Variants in GRID1 observed in about 807,000 individuals in gnomAD.
GRID1 encodes glutamate ionotropic receptor delta type subunit 1, also known as glutamate receptor ionotropic, delta-1.
A neutral mutation model predicts 98.0 loss-of-function variants in GRID1; 28 were observed. The observed-to-expected ratio is 0.29, with a 90% CI of 0.21 to 0.39. The LOEUF is 0.39. Among genes scored for constraint, GRID1 ranks in the 10% least tolerant of loss-of-function variants. The pLI is 1.00. For missense variants in GRID1, 1,111 were observed against 1,340.5 expected (o/e 0.83, Z 2.67); for synonymous variants, 553 against 538.5 (o/e 1.03, Z -0.37).
In GRID1 at chr10:85,847,632, G is replaced by C. The variant is rs74876486; in HGVS notation, c.1233+6864C>G. Among the ~76,000 whole-genome samples the C allele has an allele frequency of 5.7e-3, 861 of 151,964 alleles. 8 individuals are homozygous for C. Among genetic ancestry groups the C allele is most frequent in the African/African-American group, 0.02 (809 of 41,456 alleles). On this transcript the variant is annotated intron_variant, in intron 8 of 15. Coordinates refer to ENST00000327946, the MANE Select transcript of GRID1 (RefSeq NM_017551.3). The stretch of plus-strand genomic sequence containing the variant: ...TCTGCTGTATAAATGGTAGTAGAAA[G>C]CATTTAGTGGAAAAATGTAAAAGCT...
chr10:85,902,744 T>A (rs1841406387), intron 5 of GRID1, among the ~76,000 whole-genome samples: 1 of 152,188 alleles, frequency 6.6e-6, no homozygotes, highest in Non-Finnish European at 1.5e-5. Context: ...ATCTGTAGGA[T>A]GGTATAATAG....
intron 2 of GRID1, among the ~76,000 whole-genome samples, chr10:86,340,387 TG>T (rs1848293843): frequency 6.6e-6 from 1 of 152,192 alleles, no homozygotes; most frequent in African/African-American, 2.4e-5. Flanking sequence ...GCAGAAAACG[TG>T]CACCACGGAT....
At chr10:85,902,570 G>A (rs544796463) in intron 5 of GRID1, among the ~76,000 whole-genome samples, 65 of 152,262 alleles carry the variant, frequency 4.3e-4, no homozygotes, top group Non-Finnish European at 7.9e-4. Flanking sequence ...AGATATTGCT[G>A]GGATTCCATA....
rs890239339 is a variant in GRID1 at position 85,923,602 on chromosome 10, G to C, written c.727-7363C>G. The stretch of plus-strand genomic sequence containing the variant: ...TCCTCACAATGGCCTACTGAAAGAG[G>C]CTACTGAGCTGCAGCCTACAAATGG... On this transcript the variant is annotated intron_variant, in intron 4 of 15. Coordinates refer to ENST00000327946, the MANE Select transcript of GRID1 (RefSeq NM_017551.3). Among the ~76,000 whole-genome samples the C allele has an allele frequency of 3.9e-5, 6 of 152,096 alleles. No individual in the cohort carries two copies. In the South Asian group the frequency reaches 1.2e-3, roughly 32 times the overall value.
chr10:85,654,568 T>C (rs1219524221), intron 12 of GRID1, among the ~76,000 whole-genome samples: 1 of 152,192 alleles, frequency 6.6e-6, no homozygotes, highest in African/African-American at 2.4e-5. Context: ...CCCTTCCTCC[T>C]GGGTTAGCCT....
At chr10:86,249,409 C>T (rs1377566988) in intron 2 of GRID1, among the ~76,000 whole-genome samples, 1 of 152,188 alleles carries the variant, frequency 6.6e-6, no homozygotes, top group East Asian at 1.9e-4. Flanking sequence ...TCATATCCCA[C>T]AACTCATCCT....
intron 8 of GRID1, among the ~76,000 whole-genome samples, chr10:85,833,812 T>C (rs1842890338): frequency 6.6e-6 from 1 of 152,200 alleles, no homozygotes; most frequent in African/African-American, 2.4e-5. Flanking sequence ...AATTATGGAA[T>C]TGAAATATAG....
At chr10:85,906,968 C>G (rs989073019) in intron 5 of GRID1, among the ~76,000 whole-genome samples, 1 of 151,884 alleles carries the variant, frequency 6.6e-6, no homozygotes, top group African/African-American at 2.4e-5. Context: ...GTCAATAAAC[C>G]TCCAATCAGA....
At chr10:85,667,621 C>T (rs1025671773) in intron 12 of GRID1, among the ~76,000 whole-genome samples, 1 of 152,204 alleles carries the variant, frequency 6.6e-6, no homozygotes, top group Non-Finnish European at 1.5e-5. Context: ...CTGGCTCCTG[C>T]ACATGGACTC....
chr10:86,069,573 G>A (rs180994668), intron 4 of GRID1, among the ~76,000 whole-genome samples: 143 of 152,230 alleles, frequency 9.4e-4, no homozygotes, highest in African/African-American at 3.2e-3. Context: ...GCGTGAACCC[G>A]GGAGGCGGAG....
chr10:86,137,598 G>A (rs1335176991), intron 4 of GRID1, among the ~76,000 whole-genome samples: 1 of 152,164 alleles, frequency 6.6e-6, no homozygotes, highest in African/African-American at 2.4e-5. Context: ...CACACAGCTG[G>A]GTATATTCTG....
intron 4 of GRID1, among the ~76,000 whole-genome samples, chr10:86,089,224 T>C (rs952101986): frequency 6.6e-6 from 1 of 152,184 alleles, no homozygotes; most frequent in Non-Finnish European, 1.5e-5. Flanking sequence ...GTGAAGGCCA[T>C]CTGGGGAGCA....
chr10:86,062,927 C>T (rs1191921705), intron 4 of GRID1, among the ~76,000 whole-genome samples: 2 of 152,232 alleles, frequency 1.3e-5, no homozygotes, highest in African/African-American at 4.8e-5. Flanking sequence ...TCAACAGGAC[C>T]CCTCTCCCCT....
chr10:86,259,658 CTG>C (rs150403696), intron 2 of GRID1, among the ~76,000 whole-genome samples: 1,603 of 149,802 alleles, frequency 0.011, 32 homozygotes, highest in African/African-American at 0.031. Context: ...TAACACATGT[CTG>C]TGTGTGTGTG....
intron 2 of GRID1, among the ~76,000 whole-genome samples, chr10:86,226,310 C>T (rs1846342963): frequency 6.7e-6 from 1 of 148,266 alleles, no homozygotes; most frequent in Non-Finnish European, 1.5e-5. Flanking sequence ...GGTCAGAGCC[C>T]ACCCCAGCAC....
intron 4 of GRID1, among the ~76,000 whole-genome samples, chr10:86,026,998 G>A (rs1228739097): frequency 6.6e-6 from 1 of 152,210 alleles, no homozygotes; most frequent in East Asian, 1.9e-4. Context: ...GGCTCACAGT[G>A]GGGCCATGGG....
Position 86,181,949 on chromosome 10 carries a change from T to C in GRID1, c.520+24415A>G, listed in dbSNP as rs546234763. Among the ~76,000 whole-genome samples, 12 of 152,336 alleles carry C rather than the reference T, an allele frequency of 7.9e-5. No homozygotes were observed. The East Asian group carries it at 9.6e-4, about 12-fold the overall frequency. Reference sequence around the variant, plus strand: ...GCAAAAGGTACACAATAAATACTCATTGGACGAATACATGAATTTACAACT... The same window carrying C: ...GCAAAAGGTACACAATAAATACTCACTGGACGAATACATGAATTTACAACT... On this transcript the variant is annotated intron_variant, in intron 3 of 15. Transcript: ENST00000327946.
At chr10:86,015,618 T>TA (rs1282169269) in intron 4 of GRID1, among the ~76,000 whole-genome samples, 5 of 152,222 alleles carry the variant, frequency 3.3e-5, no homozygotes, top group Non-Finnish European at 7.3e-5. Context: ...GCAACAGCCC[T>TA]ACTGCTCAGC....
At chr10:86,320,602 T>C (rs1847956478) in intron 2 of GRID1, among the ~76,000 whole-genome samples, 1 of 152,150 alleles carries the variant, frequency 6.6e-6, no homozygotes. Flanking sequence ...GTTCTGGAGA[T>C]GGATGGTGGT....
Sources: allele counts gnomAD v4.1 joint callset (sites outside exome capture counted in the v4.1 genomes callset), GRCh38; gene constraint gnomAD v4.1.1; transcripts MANE v1.5; gene names NCBI Gene and HGNC (gene_info 2026-07-23, HGNC 2026-07-21).